HYDIN: variants seen among roughly 807,000 people sequenced by gnomAD.
HYDIN encodes the protein HYDIN axonemal central pair apparatus protein.
In HYDIN, 132 loss-of-function variants were observed where a neutral mutation model predicts 403.9. The observed-to-expected ratio is 0.33, with a 90% CI of 0.28 to 0.38. The LOEUF (loss-of-function observed/expected upper bound fraction) is 0.38, where lower values mean the gene tolerates loss of function less well. Ranked by LOEUF, HYDIN falls within the 10% of genes least tolerant of loss-of-function variation. The probability of loss-of-function intolerance (pLI) is 1.00; values close to 1 mark genes in which losing one functional copy is unlikely to be tolerated. For synonymous variants in HYDIN, 1,202 were observed against 1,891.7 expected, an observed-to-expected ratio of 0.64 and a Z score of 9.46; for missense variants, 2,827 against 5,009.5, an observed-to-expected ratio of 0.56 and a Z score of 13.15.
At chr16:70,956,857 G>C (rs1036541924) in intron 39 of HYDIN, among the ~76,000 whole-genome samples, 3 of 151,402 alleles carry the variant, frequency 2.0e-5, no homozygotes, top group Non-Finnish European at 2.9e-5. Context: ...TAGTAGCAAC[G>C]GGGCACTAAT....
chr16:70,838,479 C>G (rs1057427857), intron 76 of HYDIN, among the ~76,000 whole-genome samples: 46 of 152,276 alleles, frequency 3.0e-4, no homozygotes, highest in African/African-American at 1.1e-3. Flanking sequence ...GCCACCGCGC[C>G]CAGCCTGATT....
intron 66 of HYDIN, among the ~76,000 whole-genome samples, chr16:70,866,960 G>A (rs2039789699): frequency 6.6e-6 from 1 of 150,704 alleles, no homozygotes; most frequent in African/African-American, 2.4e-5. Flanking sequence ...AGGAGGTGGA[G>A]GTTGCAGTGA....
chr16:70,809,940 T>C lies in HYDIN; in HGVS notation c.14726A>G (p.Asn4909Ser), dbSNP rs1444049362. The C allele has an allele frequency of 6.2e-7, 1 of 1,614,066 alleles. No homozygotes were observed. The highest frequency in any genetic ancestry group is 1.3e-5 in the African/African-American group (1 of 74,920). The change falls in exon 85 of 86, where the codon AAC becomes AGC. Residue 4909 changes from asparagine to serine, a missense_variant. Physicochemically the swap from Asn to Ser is conservative, Grantham distance 46 (BLOSUM62 1). Transcript: ENST00000393567. Reference sequence around the variant, plus strand: ...ATATTGGTAGTAACCCAAGTCAGTGTTGTGCAAAGTTAGTCTTCCGAAGGT... The same window carrying C: ...ATATTGGTAGTAACCCAAGTCAGTGCTGTGCAAAGTTAGTCTTCCGAAGGT... ...GETFGRLTLH[N>S]TDLGYYQYEL...
chr16:70,894,273 G>T, intron 55 of HYDIN, 176 bp downstream of exon 55: 2 of 591,974 alleles, frequency 3.4e-6, no homozygotes, highest in Middle Eastern at 3.0e-4. Context: ...AAGCAGAGAC[G>T]GTTCTTATGA....
intron 58 of HYDIN, among the ~76,000 whole-genome samples, chr16:70,885,684 A>G (rs2041085872): frequency 6.6e-6 from 1 of 152,036 alleles, no homozygotes; most frequent in Non-Finnish European, 1.5e-5. Flanking sequence ...ACTGAAAGGC[A>G]GAGTGCTGGA....
Position 70,850,089 on chromosome 16 carries a change from T to C in HYDIN, c.12652-142A>G, listed in dbSNP as rs971034171. On this transcript the variant is annotated intron_variant, in intron 74 of 85. Coordinates refer to ENST00000393567, the MANE Select transcript of HYDIN (RefSeq NM_001270974.2). ...GGTGATTTGACTATCTTTAGCTTAATGGAGTCAGATATTCTAGCAGGAGCT... is the reference window on the plus strand; with the variant it reads ...GGTGATTTGACTATCTTTAGCTTAACGGAGTCAGATATTCTAGCAGGAGCT... 1.1e-5 allele frequency: 7 copies of C among 629,918 alleles called. No homozygotes were observed. In the African/African-American group the frequency reaches 1.3e-4, roughly 12 times the overall value. The allele number at this position is 629,918 out of a possible 1,614,324, so 39.0% of individuals were successfully genotyped here.
At chr16:71,115,489 A>T (rs193091755) in intron 10 of HYDIN, among the ~76,000 whole-genome samples, 3 of 152,290 alleles carry the variant, frequency 2.0e-5, no homozygotes, top group Non-Finnish European at 2.9e-5. Context: ...CATAATTGTA[A>T]AGCACTTTAA....
chr16:70,849,536 C>T (rs1312633196), intron 75 of HYDIN, among the ~76,000 whole-genome samples, 190 bp downstream of exon 75: 1 of 152,116 alleles, frequency 6.6e-6, no homozygotes, highest in Non-Finnish European at 1.5e-5. Flanking sequence ...TTTCAATCCA[C>T]ACTTACTCCC....
chr16:70,981,621 T>C, intron 28 of HYDIN, 53 bp from the exon 29 acceptor site: 2 of 1,509,262 alleles, frequency 1.3e-6, no homozygotes, highest in African/African-American at 1.4e-5. Context: ...CAGTACAGGT[T>C]CAACTCATTA....
At chr16:71,056,018 T>C (rs980207772) in intron 18 of HYDIN, among the ~76,000 whole-genome samples, 9 of 151,902 alleles carry the variant, frequency 5.9e-5, no homozygotes, top group African/African-American at 1.9e-4. Flanking sequence ...CCGCTGCTCA[T>C]AGGGAGGGGA....
At chr16:71,090,092 C>T (rs62040320) in intron 11 of HYDIN, 32 of 103,324 alleles carry the variant, frequency 3.1e-4, no homozygotes, top group East Asian at 1.7e-3. Context: ...CAAGAGAAGA[C>T]GGACAATGCA....
At chr16:70,826,306 G>T (rs1233117915) in intron 83 of HYDIN, among the ~76,000 whole-genome samples, 3 of 147,400 alleles carry the variant, frequency 2.0e-5, no homozygotes, top group Admixed American at 1.4e-4. Context: ...GCTCCATCTT[G>T]TAACTTATTA....
chr16:71,196,771 G>A (rs2087717214), intron 1 of HYDIN, among the ~76,000 whole-genome samples: 1 of 152,120 alleles, frequency 6.6e-6, no homozygotes, highest in Non-Finnish European at 1.5e-5. Flanking sequence ...AAACCAAGAT[G>A]GTGATGAGAG....
chr16:71,203,673 A>G, intron 1 of HYDIN: 2 of 451,538 alleles, frequency 4.4e-6, no homozygotes, highest in South Asian at 3.1e-5. Flanking sequence ...AATTCCATAC[A>G]CAAATTATTC....
chr16:70,826,529 G>T (rs1398414547), intron 83 of HYDIN, among the ~76,000 whole-genome samples: 1 of 151,992 alleles, frequency 6.6e-6, no homozygotes, highest in African/African-American at 2.4e-5. Context: ...CTCATTTATT[G>T]AGTAGGTGTT....
rs1166520115 is a variant in HYDIN, at chr16:71,230,688, G to A, written c.-150C>T. 2.6e-6 allele frequency: 4 copies of A among 1,536,030 alleles called. No homozygotes were observed. In the East Asian group the frequency reaches 7.3e-5, roughly 28 times the overall value. ...GCTTGAAGCCGCCCGCACTCTCCAT[G>A]CGCCGCCCGAGCTGTTGCCGTCCGT... On this transcript the variant is annotated 5_prime_UTR_variant, in exon 1 of 86. Transcript: ENST00000393567.
At chr16:71,068,446 T>C (rs2082345900) in intron 14 of HYDIN, among the ~76,000 whole-genome samples, 1 of 151,868 alleles carries the variant, frequency 6.6e-6, no homozygotes, top group South Asian at 2.1e-4. Flanking sequence ...AGTCATTGAT[T>C]TGGAAAGAAA....
At chr16:70,893,605 C>A (rs1249209447) in intron 55 of HYDIN, 1 of 151,908 alleles carries the variant, frequency 6.6e-6, no homozygotes, top group African/African-American at 2.4e-5. Flanking sequence ...GCAGCCTTGA[C>A]CTCTCTGGGC....
chr16:70,824,745 G>A lies in HYDIN; in HGVS notation c.14427+2516C>T, dbSNP rs573842895. Among the ~76,000 whole-genome samples the A allele has an allele frequency of 8.9e-4, 135 of 151,792 alleles. 1 individual carries two copies. The highest frequency in any genetic ancestry group is 3.2e-3 in the African/African-American group (131 of 41,372). Reference sequence around the variant, plus strand: ...CAAAGTGCTGGAATTACAGGCATGAGCCACTGCACATGGCTCACTTACTTA... The same window carrying A: ...CAAAGTGCTGGAATTACAGGCATGAACCACTGCACATGGCTCACTTACTTA... On this transcript the variant is annotated intron_variant, in intron 83 of 85. Coordinates refer to ENST00000393567, the MANE Select transcript of HYDIN (RefSeq NM_001270974.2).
Sources: gnomAD v4.1 joint callset for allele counts (sites outside exome capture counted in the v4.1 genomes callset) on GRCh38, gnomAD v4.1.1 for gene constraint, MANE v1.5 for transcripts, NCBI Gene and HGNC (gene_info 2026-07-23, HGNC 2026-07-21) for gene names.